Variants in PRKN observed in about 807,000 individuals in gnomAD.
PRKN encodes the protein E3 ubiquitin-protein ligase parkin.
PRKN carries 56 observed loss-of-function variants against 59.5 expected under a neutral mutation model. The ratio of observed to expected loss-of-function variants is 0.94; its 90% CI spans 0.76 to 1.18. The LOEUF (loss-of-function observed/expected upper bound fraction) is 1.18, where lower values mean the gene tolerates loss of function less well. Ranked by LOEUF, PRKN falls within the 50% of genes most tolerant of loss-of-function variation. PRKN has a pLI of 0.00. For synonymous variants in PRKN, 250 were observed against 222.1 expected (o/e 1.13, Z -1.12); for missense variants, 657 against 596.4 (o/e 1.10, Z -1.06).
chr6:162,658,275 T>C (rs755471559), intron 1 of PRKN, among the ~76,000 whole-genome samples: 6 of 152,202 alleles, frequency 3.9e-5, no homozygotes, highest in Middle Eastern at 3.2e-3. Flanking sequence ...TGCAAAGACA[T>C]ACTTAATAAA....
rs1327171154 is a variant in PRKN at position 161,679,290 on chromosome 6, A to G, written c.871+106482T>C. Among the ~76,000 whole-genome samples, 3 of 152,198 alleles carry G rather than the reference A, an allele frequency of 2.0e-5. No individual in the cohort carries two copies. The East Asian group carries it at 5.8e-4, about 29-fold the overall frequency. On this transcript the variant is annotated intron_variant, in intron 7 of 11. Coordinates refer to ENST00000366898, the MANE Select transcript of PRKN (RefSeq NM_004562.3). ...GTGTTTTATCTTTCAAAGCCAGTACATTCCAGGGAGGCTGTATCCTGGGGC... is the reference window on the plus strand; with the variant it reads ...GTGTTTTATCTTTCAAAGCCAGTACGTTCCAGGGAGGCTGTATCCTGGGGC...
At chr6:162,719,284 G>A (rs753512500) in intron 1 of PRKN, among the ~76,000 whole-genome samples, 7 of 152,082 alleles carry the variant, frequency 4.6e-5, no homozygotes, top group Non-Finnish European at 1.0e-4. Flanking sequence ...TTTGTCTGTG[G>A]TCAGGAGCCC....
chr6:161,357,712 C>T lies in PRKN; in HGVS notation c.1285+2376G>A, dbSNP rs544297059. 6.6e-6 allele frequency among the ~76,000 whole-genome samples: 1 copy of T among 152,362 alleles called. No homozygotes were observed. Among genetic ancestry groups the T allele is most frequent in the East Asian group, 1.9e-4 (1 of 5,190 alleles). Reference sequence around the variant, plus strand: ...CTGATTCTATTTTTTCCCACACACACATTTGTTTCAAAACAGACATATGTG... The same window carrying T: ...CTGATTCTATTTTTTCCCACACACATATTTGTTTCAAAACAGACATATGTG... On this transcript the variant is annotated intron_variant, in intron 11 of 11. Coordinates refer to ENST00000366898, the MANE Select transcript of PRKN (RefSeq NM_004562.3). This position sits in a 1 kb window ranked among gnomAD's most constrained non-coding sequence, Gnocchi z 5.5.
intron 7 of PRKN, among the ~76,000 whole-genome samples, chr6:161,665,304 A>C (rs977121165): frequency 6.6e-6 from 1 of 152,180 alleles, no homozygotes; most frequent in Non-Finnish European, 1.5e-5. Flanking sequence ...GCCAGTATAC[A>C]GGTAACTGAG....
intron 1 of PRKN, among the ~76,000 whole-genome samples, chr6:162,448,182 G>A (rs974914471): frequency 4.6e-5 from 7 of 152,168 alleles, no homozygotes; most frequent in East Asian, 1.9e-4. Context: ...TCAGAGGCAC[G>A]CCCCGGTTAA....
intron 7 of PRKN, among the ~76,000 whole-genome samples, chr6:161,627,565 CTTTA>C (rs1783136141): frequency 6.6e-6 from 1 of 152,222 alleles, no homozygotes; most frequent in Non-Finnish European, 1.5e-5. Context: ...CTCCAAAGGT[CTTTA>C]TTTGTGGCGG....
At chr6:161,992,017 A>G (rs1323625599) in intron 5 of PRKN, among the ~76,000 whole-genome samples, 1 of 152,180 alleles carries the variant, frequency 6.6e-6, no homozygotes, top group Non-Finnish European at 1.5e-5. Context: ...ACATCAGATA[A>G]AACAGATTAC....
chr6:162,078,511 C>T lies in PRKN; in HGVS notation c.535-24337G>A, dbSNP rs547556291. 6.4e-3 allele frequency among the ~76,000 whole-genome samples: 975 copies of T among 152,118 alleles called. 13 individuals carry two copies. Among genetic ancestry groups the T allele is most frequent in the Middle Eastern group, 0.02 (6 of 294 alleles). The stretch of plus-strand genomic sequence containing the variant: ...CCGAAATCATGTTACTTAATTTTAG[C>T]TAATTTAGATGACATTTACCATTCT... On this transcript the variant is annotated intron_variant, in intron 4 of 11. Coordinates refer to ENST00000366898, the MANE Select transcript of PRKN (RefSeq NM_004562.3).
chr6:162,173,820 A>G (rs775790473), intron 4 of PRKN, among the ~76,000 whole-genome samples: 3 of 152,214 alleles, frequency 2.0e-5, no homozygotes, highest in Non-Finnish European at 2.9e-5. Flanking sequence ...ATTACTTTAT[A>G]GGGTTATTGT....
intron 8 of PRKN, among the ~76,000 whole-genome samples, chr6:161,563,012 G>T (rs1780512884): frequency 6.6e-6 from 1 of 152,044 alleles, no homozygotes; most frequent in Non-Finnish European, 1.5e-5. Context: ...CAGCCACCTT[G>T]GTTTAATTTA....
intron 8 of PRKN, 103 bp downstream of exon 8, chr6:161,569,252 C>T (rs1780775432): frequency 9.9e-7 from 1 of 1,006,470 alleles, no homozygotes; most frequent in Non-Finnish European, 1.6e-6. Context: ...TTCAGGGCAC[C>T]CAGGGTCAGG....
intron 5 of PRKN, among the ~76,000 whole-genome samples, chr6:162,032,767 C>A (rs139830168): frequency 6.6e-6 from 1 of 152,160 alleles, no homozygotes; most frequent in African/African-American, 2.4e-5. Flanking sequence ...CCCCATGAGA[C>A]AATGACTCAT....
chr6:161,776,510 T>A (rs983527623), intron 7 of PRKN, among the ~76,000 whole-genome samples: 6 of 152,178 alleles, frequency 3.9e-5, no homozygotes. Flanking sequence ...AGGGAGTATT[T>A]TTGCATTTAT....
intron 2 of PRKN, among the ~76,000 whole-genome samples, chr6:162,359,288 T>C (rs1785026962): frequency 6.6e-6 from 1 of 151,704 alleles, no homozygotes; most frequent in South Asian, 2.1e-4. Context: ...GTCAAGGACA[T>C]TCGGAAAATT....
chr6:161,586,817 C>G (rs1315450419), intron 7 of PRKN, among the ~76,000 whole-genome samples: 4 of 152,176 alleles, frequency 2.6e-5, no homozygotes, highest in African/African-American at 9.7e-5. Flanking sequence ...AGAATTACAA[C>G]AGTTGGCCAT....
chr6:161,537,705 C>T (rs1387585681), intron 9 of PRKN, among the ~76,000 whole-genome samples: 4 of 152,308 alleles, frequency 2.6e-5, no homozygotes, highest in East Asian at 1.9e-4. Flanking sequence ...CCCGCCTTAG[C>T]CTCCCAAAGT....
intron 3 of PRKN, among the ~76,000 whole-genome samples, chr6:162,249,014 G>T (rs1779315827): frequency 6.6e-6 from 1 of 151,886 alleles, no homozygotes; most frequent in Admixed American, 6.6e-5. Flanking sequence ...GAGTACCTGG[G>T]ACTACAGGTG....
chr6:162,333,674 G>A (rs1003612267), intron 2 of PRKN, among the ~76,000 whole-genome samples: 7 of 152,084 alleles, frequency 4.6e-5, no homozygotes, highest in South Asian at 2.1e-4. Flanking sequence ...AGCCTGAGAC[G>A]CAACTATACT....
At chr6:162,639,807 G>A (rs1466144116) in intron 1 of PRKN, among the ~76,000 whole-genome samples, 5 of 152,148 alleles carry the variant, frequency 3.3e-5, no homozygotes, top group Admixed American at 1.3e-4. Context: ...TCACATGGAT[G>A]CAAGGCAACA....
Sources: gnomAD v4.1 joint callset for allele counts (sites outside exome capture counted in the v4.1 genomes callset) on GRCh38, gnomAD v4.1.1 for gene constraint, Gnocchi (gnomAD v3.1) non-coding constraint, MANE v1.5 for transcripts, NCBI Gene and HGNC (gene_info 2026-07-23, HGNC 2026-07-21) for gene names.